CNDP2: variants seen among roughly 807,000 people sequenced by gnomAD.
The protein encoded by CNDP2 is carnosine dipeptidase 2, also known as cytosolic non-specific dipeptidase.
A neutral mutation model predicts 55.0 loss-of-function variants in CNDP2; 38 were observed. The ratio of observed to expected loss-of-function variants is 0.69; its 90% CI spans 0.53 to 0.90. CNDP2 has a LOEUF of 0.90. Among genes scored for constraint, CNDP2 ranks in the 40% least tolerant of loss-of-function variants. The pLI is 0.00. For missense variants in CNDP2, 607 were observed against 621.7 expected, an observed-to-expected ratio of 0.98 and a Z score of 0.25; for synonymous variants, 241 against 260.2, an observed-to-expected ratio of 0.93 and a Z score of 0.71.
At chr18:74,510,179 T>C (rs1253509368) in intron 5 of CNDP2, among the ~76,000 whole-genome samples, 1 of 152,158 alleles carries the variant, frequency 6.6e-6, no homozygotes, top group Non-Finnish European at 1.5e-5. Context: ...AGCACATCCA[T>C]GAACAGGGCT....
At chr18:74,512,974 G>T (rs909860571) in intron 7 of CNDP2, among the ~76,000 whole-genome samples, 1 of 152,276 alleles carries the variant, frequency 6.6e-6, no homozygotes, top group East Asian at 1.9e-4. Flanking sequence ...TGCTGTTCCC[G>T]GTGTCCTCCT....
chr18:74,515,396 G>A (rs569418151), intron 8 of CNDP2, among the ~76,000 whole-genome samples: 17 of 152,294 alleles, frequency 1.1e-4, no homozygotes, highest in African/African-American at 2.9e-4. Flanking sequence ...GGTTGGGCAC[G>A]GGGAGGAGCG....
chr18:74,507,108 G>A (rs1048765899), intron 4 of CNDP2: 3 of 152,164 alleles, frequency 2.0e-5, no homozygotes, highest in Non-Finnish European at 4.4e-5. Flanking sequence ...TCCTTGTCAC[G>A]GTGGAATTAC....
chr18:74,517,047 A>T (rs187238732), intron 9 of CNDP2: 1 of 151,688 alleles, frequency 6.6e-6, no homozygotes, highest in Non-Finnish European at 1.5e-5. Context: ...TCGGAGGCGG[A>T]TGAGTCCAGG....
intron 8 of CNDP2, among the ~76,000 whole-genome samples, chr18:74,515,267 G>C (rs185140184): frequency 4.8e-4 from 73 of 152,270 alleles, no homozygotes; most frequent in Middle Eastern, 6.8e-3. Context: ...GGTGGAGCTA[G>C]GAGACCCGTT....
chr18:74,510,768 G>T, intron 5 of CNDP2, 45 bp from the exon 6 acceptor site: 1 of 1,529,298 alleles, frequency 6.5e-7, no homozygotes, highest in Non-Finnish European at 9.0e-7. Context: ...CTAGAAGGAA[G>T]GTTCGCAAAG....
chr18:74,497,886 T>A (rs1043610544), intron 1 of CNDP2: 1 of 152,172 alleles, frequency 6.6e-6, no homozygotes, highest in Admixed American at 6.6e-5. Context: ...AGCATACTGC[T>A]TTTACCTTAA....
intron 9 of CNDP2, chr18:74,517,530 T>C (rs1372340743): frequency 6.6e-6 from 1 of 152,164 alleles, no homozygotes; most frequent in African/African-American, 2.4e-5. Flanking sequence ...TCAGGTGCTA[T>C]CTTATGTGTG....
intron 5 of CNDP2, 125 bp from the exon 6 acceptor site, chr18:74,510,688 C>A: frequency 1.3e-6 from 1 of 798,408 alleles, no homozygotes; most frequent in East Asian, 2.6e-5. Flanking sequence ...ATGACAGGTG[C>A]ACACGGAGGC....
chr18:74,513,472 C>T (rs1031404026), intron 7 of CNDP2, 87 bp from the exon 8 acceptor site: 17 of 1,398,914 alleles, frequency 1.2e-5, no homozygotes, highest in Non-Finnish European at 1.6e-5. Context: ...TCTCCTGAGC[C>T]TGGCTTCCTG....
At chr18:74,503,229 T>C (rs1978813258) in intron 3 of CNDP2, among the ~76,000 whole-genome samples, 1 of 152,238 alleles carries the variant, frequency 6.6e-6, no homozygotes, top group African/African-American at 2.4e-5. Context: ...ATTACTGTTA[T>C]ACTATTTTGA....
At position 74,522,073 on chromosome 18, in the gene CNDP2, C is replaced by CG. The variant is rs1231292307; in HGVS notation, c.*2006dup. 1 of 152,184 alleles carries CG rather than the reference C, an allele frequency of 6.6e-6. No individual in the cohort carries two copies. Among genetic ancestry groups the CG allele is most frequent in the African/African-American group, 2.4e-5 (1 of 41,436 alleles). 9.4% of individuals were successfully genotyped at this position (152,184 alleles called of 1,614,324 possible). Reference sequence around the variant, plus strand: ...TGAGGAAAATCTGTAGTTGGTTTTACGTGGATGTTAATCTCTTAGTTTTGA... The same window carrying CG: ...TGAGGAAAATCTGTAGTTGGTTTTACGGTGGATGTTAATCTCTTAGTTTTGA... On this transcript the variant is annotated 3_prime_UTR_variant, in exon 12 of 12. Transcript: ENST00000324262.
chr18:74,517,271 A>G (rs911186121), intron 9 of CNDP2: 29 of 152,234 alleles, frequency 1.9e-4, no homozygotes, highest in African/African-American at 6.8e-4. Context: ...AATTCAAGTT[A>G]GTTTTATTCA....
chr18:74,519,887 G>A lies in CNDP2; in HGVS notation c.1359-112G>A, dbSNP rs1396951013. ...CTCAGGGCCCCCAAGCTGGGATGGG[G>A]GATGCTCCCCAGGAAGAAGGCAGAG... On this transcript the variant is annotated intron_variant, in intron 11 of 11. Transcript: ENST00000324262. 2.3e-5 allele frequency: 21 copies of A among 922,146 alleles called. No individual in the cohort carries two copies. In the East Asian group the frequency reaches 5.3e-4, roughly 23 times the overall value. The allele number at this position is 922,146 out of a possible 1,614,324, so 57.1% of individuals were successfully genotyped here. A position where few individuals can be genotyped will look rare whatever the true frequency, so the allele number is the denominator to read the frequency against.
At chr18:74,518,928 T>C in intron 10 of CNDP2, 21 bp from the exon 11 acceptor site, 1 of 1,547,752 alleles carries the variant, frequency 6.5e-7, no homozygotes, top group Non-Finnish European at 8.7e-7. Context: ...TCACCGTTTA[T>C]TTTATTTCAT....
In CNDP2 at chr18:74,522,958, G is replaced by A. The variant is rs1299029971; in HGVS notation, c.*2890G>A. 1.3e-5 allele frequency: 2 copies of A among 152,320 alleles called. No individual in the cohort carries two copies. The highest frequency in any genetic ancestry group is 1.9e-4 in the East Asian group (1 of 5,200). 9.4% of individuals were successfully genotyped at this position (152,320 alleles called of 1,614,324 possible). On this transcript the variant is annotated 3_prime_UTR_variant, in exon 12 of 12. Transcript: ENST00000324262. ...GGGTGATCTCCCGGAGGAAATCAGA[G>A]TGGTGTTCTACTAGAAGGCCGATGA...
chr18:74,510,826 A>G lies in CNDP2; in HGVS notation c.470A>G (p.Asn157Ser). 6.2e-7 allele frequency: 1 copy of G among 1,613,722 alleles called. No homozygotes were observed. Among genetic ancestry groups the G allele is most frequent in the Non-Finnish European group, 8.5e-7 (1 of 1,179,840 alleles). ...YQKTGQEIPV[N>S]VRFCLEGMEE... ...CCCTTCTCACAGGAGATTCCTGTCAACGTCCGATTCTGCCTCGAAGGCATG... is the reference window on the plus strand; with the variant it reads ...CCCTTCTCACAGGAGATTCCTGTCAGCGTCCGATTCTGCCTCGAAGGCATG... The change falls in exon 6 of 12, where the codon AAC becomes AGC. Residue 157 changes from asparagine to serine, a missense_variant. Coordinates refer to ENST00000324262, the MANE Select transcript of CNDP2 (RefSeq NM_018235.3).
At chr18:74,501,576 C>A in intron 3 of CNDP2, 104 bp downstream of exon 3, 3 of 1,409,688 alleles carry the variant, frequency 2.1e-6, no homozygotes, top group Non-Finnish European at 2.9e-6. Flanking sequence ...TCACATACCC[C>A]ACTCACCTTT....
chr18:74,508,641 G>T (rs967978576), intron 4 of CNDP2, 199 bp from the exon 5 acceptor site: 3 of 549,514 alleles, frequency 5.5e-6, no homozygotes, highest in Non-Finnish European at 9.9e-6. Flanking sequence ...GAGCATCCAC[G>T]TGGCTTATCT....
Sources: gnomAD v4.1 joint callset for allele counts (sites outside exome capture counted in the v4.1 genomes callset) on GRCh38, gnomAD v4.1.1 for gene constraint, MANE v1.5 for transcripts, NCBI Gene and HGNC (gene_info 2026-07-23, HGNC 2026-07-21) for gene names.